Variants in MTRF1 observed in about 807,000 individuals in gnomAD.
The protein encoded by MTRF1 is mitochondrial translation release factor 1.
MTRF1 carries 51 observed loss-of-function variants against 62.9 expected under a neutral mutation model. That is an observed-to-expected ratio of 0.81 (90% CI 0.65 to 1.02). The LOEUF (loss-of-function observed/expected upper bound fraction) is 1.02, where lower values mean the gene tolerates loss of function less well. MTRF1 is among the 50% of genes least tolerant of loss of function. MTRF1 has a pLI of 0.00. For synonymous variants in MTRF1, 158 were observed against 181.9 expected (o/e 0.87, Z 1.06); for missense variants, 446 against 530.0 (o/e 0.84, Z 1.56).
chr13:41,228,313 C>T (rs1321087575), intron 7 of MTRF1, among the ~76,000 whole-genome samples: 3 of 152,090 alleles, frequency 2.0e-5, no homozygotes, highest in Non-Finnish European at 2.9e-5. Context: ...ACACCGGCAA[C>T]CCCAGCACTT....
chr13:41,230,908 A>G (rs2035434099), intron 7 of MTRF1, among the ~76,000 whole-genome samples: 1 of 151,972 alleles, frequency 6.6e-6, no homozygotes, highest in Non-Finnish European at 1.5e-5. Context: ...TATTTTTAGT[A>G]GAGACAGGGT....
intron 2 of MTRF1, among the ~76,000 whole-genome samples, chr13:41,259,409 T>TA (rs1296310623): frequency 2.0e-5 from 3 of 152,078 alleles, no homozygotes; most frequent in Non-Finnish European, 4.4e-5. Context: ...TGAAAAGAAA[T>TA]AAAGTACTGG....
chr13:41,219,998 CAAAAAAAAAA>C (rs71086550), intron 9 of MTRF1, among the ~76,000 whole-genome samples: 56 of 70,366 alleles, frequency 8.0e-4, no homozygotes, highest in Non-Finnish European at 1.3e-3. Context: ...ACCTCTGTCT[CAAAAAAAAAA>C]AAAAAAAAAA....
chr13:41,269,606 T>G, the MTRF1 span, among the ~76,000 whole-genome samples: 5 of 152,148 alleles, frequency 3.3e-5, no homozygotes, highest in Non-Finnish European at 7.3e-5. Context: ...TCCTACAATA[T>G]ATTTTTGTTA....
chr13:41,260,105 C>T (rs561043686), intron 2 of MTRF1, among the ~76,000 whole-genome samples: 1 of 152,266 alleles, frequency 6.6e-6, no homozygotes, highest in Admixed American at 6.5e-5. Context: ...TAAAGTGTGT[C>T]AAATACTCTG....
chr13:41,303,847 G>A, the MTRF1 span, among the ~76,000 whole-genome samples: 1 of 152,160 alleles, frequency 6.6e-6, no homozygotes, highest in African/African-American at 2.4e-5. Context: ...GCAAAATATA[G>A]TAATTAAGAA....
chr13:41,252,922 T>G, intron 4 of MTRF1, 27 bp downstream of exon 4: 3 of 1,530,532 alleles, frequency 2.0e-6, no homozygotes, highest in Non-Finnish European at 2.7e-6. Flanking sequence ...TTTTAGATCA[T>G]TTAAATAATA....
intron 9 of MTRF1, among the ~76,000 whole-genome samples, chr13:41,219,998 C>CAA (rs71086550): frequency 0.24 from 16,592 of 70,252 alleles, 2,212 homozygotes; most frequent in East Asian, 0.32. Flanking sequence ...ACCTCTGTCT[C>CAA]AAAAAAAAAA....
At chr13:41,292,264 C>T in the MTRF1 span, among the ~76,000 whole-genome samples, 1 of 152,046 alleles carries the variant, frequency 6.6e-6, no homozygotes, top group Non-Finnish European at 1.5e-5. Flanking sequence ...TCAATTCAGC[C>T]AGTCCTAGCC....
chr13:41,302,581 G>C, the MTRF1 span, among the ~76,000 whole-genome samples: 1 of 151,640 alleles, frequency 6.6e-6, no homozygotes, highest in East Asian at 1.9e-4. Flanking sequence ...CCAGGCTGGA[G>C]TGCAGTGACA....
intron 7 of MTRF1, among the ~76,000 whole-genome samples, chr13:41,232,892 CTCAGAG>C (rs1474566392): frequency 2.0e-5 from 3 of 152,094 alleles, no homozygotes; most frequent in Non-Finnish European, 4.4e-5. Context: ...TGTAAGCAGA[CTCAGAG>C]TCAAAGAAAA....
At chr13:41,293,602 A>G in the MTRF1 span, among the ~76,000 whole-genome samples, 15 of 152,230 alleles carry the variant, frequency 9.9e-5, no homozygotes, top group Admixed American at 2.6e-4. Flanking sequence ...AATATACTTC[A>G]CTTTAAGGCT....
At position 41,226,200 on chromosome 13, in the gene MTRF1, G is replaced by A. The variant is rs562154432; in HGVS notation, c.1125+232C>T. ...TATAAACACAAGAGGGAAACAACTA[G>A]GAAATAATTTTTAGTTTATACATCT... On this transcript the variant is annotated intron_variant, in intron 8 of 9. Transcript: ENST00000379480. Among the ~76,000 whole-genome samples the A allele has an allele frequency of 2.5e-4, 38 of 152,284 alleles. No homozygotes were observed. The South Asian group carries it at 7.5e-3, about 30-fold the overall frequency.
At chr13:41,234,137 A>T (rs1314766460) in intron 6 of MTRF1, 130 bp from the exon 7 acceptor site, 12 of 725,298 alleles carry the variant, frequency 1.7e-5, no homozygotes, top group African/African-American at 3.6e-5. Context: ...GAAGTAACTT[A>T]TACCAAAGAA....
chr13:41,299,108 T>TGTGA, the MTRF1 span, among the ~76,000 whole-genome samples: 2 of 149,388 alleles, frequency 1.3e-5, no homozygotes, highest in African/African-American at 4.9e-5. Flanking sequence ...AACCTGGGTG[T>TGTGA]GTGTGTGTGT....
chr13:41,283,744 T>C, the MTRF1 span, among the ~76,000 whole-genome samples: 108 of 151,310 alleles, frequency 7.1e-4, no homozygotes, highest in African/African-American at 2.4e-3. Context: ...CGCCCGCCAC[T>C]ACGCCCGGCT....
chr13:41,306,897 C>A, the MTRF1 span, among the ~76,000 whole-genome samples: 1 of 152,176 alleles, frequency 6.6e-6, no homozygotes, highest in East Asian at 1.9e-4. Flanking sequence ...AATGACTAAG[C>A]ATTAAATTCA....
chr13:41,240,510 A>G, intron 5 of MTRF1, 77 bp from the exon 6 acceptor site: 1 of 1,398,052 alleles, frequency 7.2e-7, no homozygotes, highest in Middle Eastern at 1.8e-4. Flanking sequence ...CCTTAATCTA[A>G]GGCCTGAATG....
At chr13:41,262,917 T>A (rs1479261628) in intron 1 of MTRF1, among the ~76,000 whole-genome samples, 1 of 152,240 alleles carries the variant, frequency 6.6e-6, no homozygotes, top group Admixed American at 6.5e-5. Context: ...CTTAGCATTA[T>A]CACCTAGGAA....
Sources: allele counts gnomAD v4.1 joint callset (sites outside exome capture counted in the v4.1 genomes callset), GRCh38; gene constraint gnomAD v4.1.1; transcripts MANE v1.5; gene names NCBI Gene and HGNC (gene_info 2026-07-23, HGNC 2026-07-21).